PRKACB: variants seen among roughly 807,000 people sequenced by gnomAD.
PRKACB encodes the protein cAMP-dependent protein kinase catalytic subunit beta.
In PRKACB, 16 loss-of-function variants were observed where a neutral mutation model predicts 51.4. That is an observed-to-expected ratio of 0.31 (90% CI 0.21 to 0.47). The LOEUF (loss-of-function observed/expected upper bound fraction) is 0.47. Ranked by LOEUF, PRKACB falls within the 20% of genes least tolerant of loss-of-function variation. The probability of loss-of-function intolerance (pLI) is 1.00; values close to 1 mark genes in which losing one functional copy is unlikely to be tolerated. For synonymous variants in PRKACB, 147 were observed against 154.4 expected (o/e 0.95, Z 0.35); for missense variants, 309 against 464.5 (o/e 0.67, Z 3.08).
At chr1:84,208,674 A>G (rs779909343) in intron 8 of PRKACB, among the ~76,000 whole-genome samples, 2 of 152,182 alleles carry the variant, frequency 1.3e-5, no homozygotes, top group Non-Finnish European at 2.9e-5. Context: ...TCAGTTTCAG[A>G]TCATTAAAAT....
At chr1:84,229,063 C>T (rs1184291803) in intron 9 of PRKACB, among the ~76,000 whole-genome samples, 1 of 141,920 alleles carries the variant, frequency 7.0e-6, no homozygotes, top group Non-Finnish European at 1.5e-5. Flanking sequence ...GTATATCTCC[C>T]AATGCTATCC....
rs574638476 is a variant in PRKACB, at chr1:84,205,030, G to A, written c.906+2225G>A. 161 of 983,262 alleles carry A rather than the reference G, an allele frequency of 1.6e-4. 1 individual carries two copies. The South Asian group carries it at 6.9e-3, about 42-fold the overall frequency. 60.9% of individuals were successfully genotyped at this position (983,262 alleles called of 1,614,324 possible). On this transcript the variant is annotated intron_variant, in intron 8 of 9. Coordinates refer to ENST00000370685, the MANE Select transcript of PRKACB (RefSeq NM_182948.4). ...TGGGCACCTTAGAAGAATGACACCA[G>A]AAAACCTTATTATATCACAATATTC...
At chr1:84,158,746 C>T (rs576707383) in intron 1 of PRKACB, among the ~76,000 whole-genome samples, 10 of 152,156 alleles carry the variant, frequency 6.6e-5, no homozygotes, top group Admixed American at 3.9e-4. Flanking sequence ...TTGTATCTAA[C>T]GCAAGGTAAT....
At chr1:84,204,461 G>C (rs771688701) in intron 8 of PRKACB, 1 of 1,531,846 alleles carries the variant, frequency 6.5e-7, no homozygotes, top group Non-Finnish European at 9.0e-7. Context: ...TCTTATCTTT[G>C]TAATTGTTTT....
intron 9 of PRKACB, 95 bp from the exon 10 acceptor site, chr1:84,235,085 T>A: frequency 7.5e-7 from 1 of 1,338,370 alleles, no homozygotes; most frequent in Non-Finnish European, 1.0e-6. Flanking sequence ...GATTTCACCG[T>A]GTAATAACAG....
chr1:84,140,386 T>C (rs1239477859), upstream of PRKACB, among the ~76,000 whole-genome samples: 3 of 152,108 alleles, frequency 2.0e-5, no homozygotes, highest in Non-Finnish European at 4.4e-5. Context: ...AAGAAGCCAA[T>C]CTGAAAATGT....
At chr1:84,090,987 A>T (rs551286196) in intron 1 of PRKACB, among the ~76,000 whole-genome samples, 1 of 152,198 alleles carries the variant, frequency 6.6e-6, no homozygotes, top group South Asian at 2.1e-4. Flanking sequence ...ATGTATAATA[A>T]TATGTCTTCT....
intron 1 of PRKACB, among the ~76,000 whole-genome samples, chr1:84,106,621 A>C (rs1649770296): frequency 6.6e-6 from 1 of 152,210 alleles, no homozygotes; most frequent in Admixed American, 6.6e-5. Flanking sequence ...AGACAAGTGG[A>C]AGAGCACTCC....
intron 9 of PRKACB, among the ~76,000 whole-genome samples, chr1:84,228,654 ACAATTCT>A (rs962191162): frequency 6.6e-6 from 1 of 152,104 alleles, no homozygotes; most frequent in Non-Finnish European, 1.5e-5. Context: ...TTAAGGTTTA[ACAATTCT>A]CTAATTCTAA....
intron 1 of PRKACB, among the ~76,000 whole-genome samples, chr1:84,150,841 T>C (rs1040511692): frequency 5.3e-5 from 8 of 152,188 alleles, no homozygotes; most frequent in African/African-American, 1.9e-4. Context: ...GACCAGTCCA[T>C]AACAAAAATC....
chr1:84,218,794 C>T (rs1327036538), intron 9 of PRKACB, among the ~76,000 whole-genome samples: 1 of 152,182 alleles, frequency 6.6e-6, no homozygotes, highest in African/African-American at 2.4e-5. Context: ...CACATCCCCT[C>T]CAGCACTTGG....
intron 1 of PRKACB, among the ~76,000 whole-genome samples, chr1:84,086,992 T>C (rs1648060361): frequency 6.6e-6 from 1 of 152,240 alleles, no homozygotes; most frequent in African/African-American, 2.4e-5. Flanking sequence ...TATGAATCAC[T>C]GTACTGATCT....
intron 8 of PRKACB, among the ~76,000 whole-genome samples, chr1:84,206,704 A>C (rs1671391683): frequency 6.6e-6 from 1 of 152,188 alleles, no homozygotes; most frequent in South Asian, 2.1e-4. Flanking sequence ...GCCTCCCAGA[A>C]CAAAAGTAGT....
chr1:84,156,607 A>G (rs1024222571), intron 1 of PRKACB, among the ~76,000 whole-genome samples: 3 of 152,168 alleles, frequency 2.0e-5, no homozygotes, highest in African/African-American at 7.2e-5. Context: ...TCTTTCTTGA[A>G]ATCTAGTCCA....
chr1:84,121,368 A>G (rs1557968075), intron 1 of PRKACB, among the ~76,000 whole-genome samples: 1 of 152,074 alleles, frequency 6.6e-6, no homozygotes, highest in Non-Finnish European at 1.5e-5. Context: ...CTCCTCATAT[A>G]CATTCATGTA....
chr1:84,228,953 T>G (rs898051089), intron 9 of PRKACB, among the ~76,000 whole-genome samples: 2 of 151,998 alleles, frequency 1.3e-5, no homozygotes, highest in Non-Finnish European at 2.9e-5. Flanking sequence ...TATTATACTT[T>G]ACGTTTTAGG....
At chr1:84,112,497 A>G (rs1650321221) in intron 1 of PRKACB, among the ~76,000 whole-genome samples, 1 of 152,090 alleles carries the variant, frequency 6.6e-6, no homozygotes, top group South Asian at 2.1e-4. Context: ...TCGGCCTCCC[A>G]AAGTGCTAGG....
intron 1 of PRKACB, among the ~76,000 whole-genome samples, chr1:84,176,179 A>T (rs1661197768): frequency 6.6e-6 from 1 of 151,864 alleles, no homozygotes; most frequent in African/African-American, 2.4e-5. Flanking sequence ...AGAACACAAT[A>T]AGTAAACTAA....
intron 1 of PRKACB, among the ~76,000 whole-genome samples, chr1:84,109,500 A>AT: frequency 6.6e-6 from 1 of 151,964 alleles, no homozygotes; most frequent in South Asian, 2.1e-4. Context: ...GGGAGTCCCT[A>AT]TTGTTGTGCA....
Sources: allele counts gnomAD v4.1 joint callset (sites outside exome capture counted in the v4.1 genomes callset), GRCh38; gene constraint gnomAD v4.1.1; transcripts MANE v1.5; gene names NCBI Gene and HGNC (gene_info 2026-07-23, HGNC 2026-07-21).